The following C1QTNF5 variants were observed in gnomAD, a reference collection of about 807,000 sequenced individuals.
C1QTNF5 encodes the protein complement C1q tumor necrosis factor-related protein 5.
C1QTNF5 carries 5 observed loss-of-function variants against 10.9 expected under a neutral mutation model. That is an observed-to-expected ratio of 0.46 (90% CI 0.24 to 0.97). C1QTNF5 has a LOEUF of 0.97. Among genes scored for constraint, C1QTNF5 ranks in the 50% least tolerant of loss-of-function variants. The probability of loss-of-function intolerance (pLI) is 0.19; values close to 1 mark genes in which losing one functional copy is unlikely to be tolerated. For missense variants in C1QTNF5, 281 were observed against 339.4 expected (o/e 0.83, Z 1.35); for synonymous variants, 161 against 156.5 (o/e 1.03, Z -0.22).
At chr11:119,345,790 C>T (rs200353330), upstream of C1QTNF5, 3 of 1,613,738 alleles carry the variant, frequency 1.9e-6, no homozygotes, top group East Asian at 6.7e-5. Flanking sequence ...TGGGGAGGGG[C>T]TCACGCCTGA....
upstream of C1QTNF5, among the ~76,000 whole-genome samples, chr11:119,343,516 C>CA (rs942452965): frequency 6.6e-6 from 1 of 151,472 alleles, no homozygotes; most frequent in South Asian, 2.1e-4. Flanking sequence ...CACTCTGCCT[C>CA]AAAAAAAGAA....
chr11:119,339,641 C>G lies in C1QTNF5; in HGVS notation c.422G>C (p.Gly141Ala), dbSNP rs1332564692. The G allele has an allele frequency of 6.2e-7, 1 of 1,612,576 alleles. No individual in the cohort carries two copies. Among genetic ancestry groups the G allele is most frequent in the East Asian group, 2.2e-5 (1 of 44,900 alleles). Reference protein sequence around the residue: ...NEQGHYDAVTGKFTCQVPGVY... With the variant: ...NEQGHYDAVTAKFTCQVPGVY... ...CCCAGGCACCTGGCAGGTGAACTTG[C>G]CGGTGACGGCGTCGTAATGTCCCTG... Residue 141 changes from glycine to alanine, a missense_variant, in exon 3 of 3, where the codon GGC becomes GCC. Gly to Ala is a moderately conservative substitution (Grantham distance 60). Coordinates refer to ENST00000528368, the MANE Select transcript of C1QTNF5 (RefSeq NM_001278431.2). The surrounding 1 kb of genome is among the most constrained non-coding windows in gnomAD (Gnocchi z 5.4).
upstream of C1QTNF5, chr11:119,343,900 C>A (rs1459594859): frequency 1.2e-6 from 2 of 1,613,874 alleles, no homozygotes; most frequent in Non-Finnish European, 1.7e-6. Context: ...AGCCTCCAGG[C>A]TGAAGTTGTG....
At chr11:119,345,342 T>C (rs1012778936), upstream of C1QTNF5, 1 of 1,448,128 alleles carries the variant, frequency 6.9e-7, no homozygotes, top group Non-Finnish European at 9.7e-7. Flanking sequence ...TTAGCCCTTC[T>C]CCCTGCCACT....
At chr11:119,345,655 T>C (rs1950556650), upstream of C1QTNF5, 2 of 1,612,950 alleles carry the variant, frequency 1.2e-6, no homozygotes, top group Non-Finnish European at 1.7e-6. Flanking sequence ...GAGGTTAGAG[T>C]TCAGAGGTCA....
At chr11:119,345,726 C>T, upstream of C1QTNF5, 1 of 1,613,196 alleles carries the variant, frequency 6.2e-7, no homozygotes, top group South Asian at 1.1e-5. Flanking sequence ...CAACCCCACC[C>T]CGTCATCTTG....
Position 119,340,206 on chromosome 11 carries a change from C to T in C1QTNF5, c.192G>A (p.Glu64=), listed in dbSNP as rs1362086939. The stretch of plus-strand genomic sequence containing the variant: ...TACCCGGCCTCCCGCCCTCGCCTTT[C>T]TCTCCCGGAGCCCCGGGCGCGCCGT... ...GRDGAPGAPG[E]KGEGGRPGLP... The change falls in exon 2 of 3, where the codon GAG becomes GAA. Residue 64 remains glutamate, a synonymous_variant. Coordinates refer to ENST00000528368, the MANE Select transcript of C1QTNF5 (RefSeq NM_001278431.2). The T allele has an allele frequency of 1.8e-5, 27 of 1,515,826 alleles. No individual in the cohort carries two copies. Among genetic ancestry groups the T allele is most frequent in the Non-Finnish European group, 2.4e-5 (27 of 1,134,710 alleles). 93.9% of individuals were successfully genotyped at this position (1,515,826 alleles called of 1,614,324 possible).
At position 119,339,280 on chromosome 11, in the gene C1QTNF5, C is replaced by G. The variant is rs774976658; in HGVS notation, c.*51G>C. 54 of 1,583,442 alleles carry G rather than the reference C, an allele frequency of 3.4e-5. No individual in the cohort carries two copies. In the Admixed American group the frequency reaches 9.3e-4, roughly 27 times the overall value. Reference sequence around the variant, plus strand: ...CCTCCTGGATGACCTGGTTGTCAGCCTCACACCCTCCTTCTAGGAGTGAGA... The same window carrying G: ...CCTCCTGGATGACCTGGTTGTCAGCGTCACACCCTCCTTCTAGGAGTGAGA... On this transcript the variant is annotated 3_prime_UTR_variant, in exon 3 of 3. Transcript: ENST00000528368. The surrounding 1 kb of genome is among the most constrained non-coding windows in gnomAD (Gnocchi z 5.4).
the C1QTNF5 span, chr11:119,346,702 G>A: frequency 1.5e-6 from 1 of 655,432 alleles, no homozygotes; most frequent in Non-Finnish European, 2.8e-6. Flanking sequence ...CTCTGTCTCT[G>A]TGTGGGGGAA....
upstream of C1QTNF5, chr11:119,344,762 A>G (rs1369370176): frequency 1.9e-6 from 3 of 1,613,830 alleles, no homozygotes; most frequent in South Asian, 2.2e-5. Flanking sequence ...AGCTCCCTGG[A>G]TGTGGGCACC....
chr11:119,340,234 C>G lies in C1QTNF5; in HGVS notation c.164G>C (p.Arg55Pro). 1.3e-6 allele frequency: 2 copies of G among 1,513,164 alleles called. No homozygotes were observed. Among genetic ancestry groups the G allele is most frequent in the Non-Finnish European group, 1.8e-6 (2 of 1,133,708 alleles). 93.7% of individuals were successfully genotyped at this position (1,513,164 alleles called of 1,614,324 possible). A position where few individuals can be genotyped will look rare whatever the true frequency, so the allele number is the denominator to read the frequency against. ...TCCCGGAGCCCCGGGCGCGCCGTCG[C>G]GGCCGTCGCGGCCATCGCGGCCCGG... ...GLPGRDGRDGRDGAPGAPGEK... is the reference protein window; with the variant it reads ...GLPGRDGRDGPDGAPGAPGEK... Residue 55 changes from arginine to proline, a missense_variant, in exon 2 of 3, where the codon CGC (arginine) becomes CCC (proline). Coordinates refer to ENST00000528368, the MANE Select transcript of C1QTNF5 (RefSeq NM_001278431.2).
chr11:119,346,394 G>A, the C1QTNF5 span: 1 of 1,612,058 alleles, frequency 6.2e-7, no homozygotes. Flanking sequence ...GGAGATACTT[G>A]AGGGCTGAGG....
At chr11:119,344,818 G>A (rs1269890443), upstream of C1QTNF5, 3 of 1,613,512 alleles carry the variant, frequency 1.9e-6, no homozygotes, top group African/African-American at 4.0e-5. Context: ...ACAGGACTGG[G>A]AGTGGGTGGA....
chr11:119,346,184 G>C, the C1QTNF5 span: 1 of 1,571,884 alleles, frequency 6.4e-7, no homozygotes, highest in Non-Finnish European at 8.6e-7. Flanking sequence ...GTGGGGTTTT[G>C]AAAGCCCCTT....
upstream of C1QTNF5, among the ~76,000 whole-genome samples, chr11:119,343,274 G>C (rs1042176894): frequency 6.6e-5 from 10 of 152,264 alleles, no homozygotes; most frequent in Non-Finnish European, 1.3e-4. Context: ...ATTTTGGGAG[G>C]CTGAGTAGGG....
upstream of C1QTNF5, chr11:119,344,277 G>A (rs1162607197): frequency 6.3e-7 from 1 of 1,584,624 alleles, no homozygotes; most frequent in African/African-American, 1.3e-5. Flanking sequence ...GTGCTTCCGT[G>A]TGTGCCCCTC....
chr11:119,344,454 GC>G, upstream of C1QTNF5: 1 of 1,568,816 alleles, frequency 6.4e-7, no homozygotes. Flanking sequence ...AATAGGGCTG[GC>G]GGTGATTACA....
At position 119,339,394 on chromosome 11, in the gene C1QTNF5, TGTCTTGATGCTG is replaced by T; in HGVS notation, c.657_668del (p.Ser220_Thr223del). 1 of 1,613,076 alleles carries T rather than the reference TGTCTTGATGCTG, an allele frequency of 6.2e-7. No individual in the cohort carries two copies. Reference sequence around the variant, plus strand: ...CCAGAAATCCGGAGAAGGTGCTGTCTGTCTTGATGCTGGCATAGATGCCAATGTAGTCACCCA... The same window carrying T: ...CCAGAAATCCGGAGAAGGTGCTGTCTGCATAGATGCCAATGTAGTCACCCA... On this transcript the variant is annotated inframe_deletion, in exon 3 of 3. Coordinates refer to ENST00000528368, the MANE Select transcript of C1QTNF5 (RefSeq NM_001278431.2). The surrounding 1 kb of genome is among the most constrained non-coding windows in gnomAD (Gnocchi z 5.4).
upstream of C1QTNF5, chr11:119,342,787 G>A: frequency 1.2e-6 from 2 of 1,613,050 alleles, no homozygotes; most frequent in South Asian, 1.1e-5. Context: ...AGTACCCCCA[G>A]AGTGTCCTGA....
Sources: allele counts gnomAD v4.1 joint callset (sites outside exome capture counted in the v4.1 genomes callset), GRCh38; gene constraint gnomAD v4.1.1; non-coding constraint Gnocchi (gnomAD v3.1); transcripts MANE v1.5; gene names NCBI Gene and HGNC (gene_info 2026-07-23, HGNC 2026-07-21).